PRKAR1B: variants seen among roughly 807,000 people sequenced by gnomAD.
The protein encoded by PRKAR1B is cAMP-dependent protein kinase type I-beta regulatory subunit.
In PRKAR1B, 22 loss-of-function variants were observed where a neutral mutation model predicts 46.5. That is an observed-to-expected ratio of 0.47 (90% CI 0.34 to 0.68). The LOEUF is 0.68. Ranked by LOEUF, PRKAR1B falls within the 30% of genes least tolerant of loss-of-function variation. The pLI, the probability that PRKAR1B is intolerant of heterozygous loss-of-function variation, is 0.01. For synonymous variants in PRKAR1B, 259 were observed against 217.7 expected (o/e 1.19, Z -1.67); for missense variants, 445 against 535.6 (o/e 0.83, Z 1.67).
chr7:582,219 T>C (rs1780226945), intron 8 of PRKAR1B, among the ~76,000 whole-genome samples: 1 of 152,262 alleles, frequency 6.6e-6, no homozygotes, highest in Non-Finnish European at 1.5e-5. Flanking sequence ...GCAGCTCCCA[T>C]GTGGGCCATG....
Position 679,018 on chromosome 7 carries a change from G to A in PRKAR1B, c.348+1538C>T, listed in dbSNP as rs540924292. The stretch of plus-strand genomic sequence containing the variant: ...CAGGAGAATCACAGGAACCTGGGAG[G>A]CAGAGGTTGTGGTGAGCTGAGATCA... On this transcript the variant is annotated intron_variant, in intron 3 of 10. Transcript: ENST00000537384. Among the ~76,000 whole-genome samples, 85 of 152,366 alleles carry A rather than the reference G, an allele frequency of 5.6e-4. 2 individuals carry two copies. The South Asian group carries it at 0.017, about 30-fold the overall frequency.
intron 6 of PRKAR1B, among the ~76,000 whole-genome samples, chr7:604,371 CG>C (rs2128462511): frequency 1.3e-5 from 2 of 152,328 alleles, no homozygotes; most frequent in South Asian, 4.1e-4. Context: ...CCTCTGAGGC[CG>C]GGCAGTACCC....
intron 8 of PRKAR1B, among the ~76,000 whole-genome samples, chr7:582,310 C>T (rs1460960581): frequency 6.6e-6 from 1 of 152,260 alleles, no homozygotes; most frequent in Non-Finnish European, 1.5e-5. Flanking sequence ...CATCCAGGCA[C>T]AAAAGCCGTT....
rs1583348583 is a variant in PRKAR1B at position 644,618 on chromosome 7, G to T, written c.440+32611C>A. ...CCACAACTGGAAGGAAGCAATGCAG[G>T]GCCGTTCTCAGCCTCAGCAGCTGAG... On this transcript the variant is annotated intron_variant, in intron 4 of 10. Transcript: ENST00000537384. This position sits in a 1 kb window ranked among gnomAD's most constrained non-coding sequence, Gnocchi z 4.9. Among the ~76,000 whole-genome samples the T allele has an allele frequency of 6.6e-6, 1 of 152,164 alleles. No homozygotes were observed. Among genetic ancestry groups the T allele is most frequent in the African/African-American group, 2.4e-5 (1 of 41,444 alleles).
chr7:640,286 C>T (rs1427958517), intron 4 of PRKAR1B, among the ~76,000 whole-genome samples: 2 of 152,184 alleles, frequency 1.3e-5, no homozygotes, highest in African/African-American at 2.4e-5. Context: ...AACCCTGTGT[C>T]TGGTAAAGGA....
chr7:711,442 C>T lies in PRKAR1B; in HGVS notation c.64G>A (p.Val22Met). Residue 22 changes from valine (V) to methionine (M), a missense_variant, in exon 2 of 11, where the codon GTG (valine) becomes ATG (methionine). Val to Met is a conservative substitution (Grantham distance 21). This residue lies in a region of PRKAR1B where 155 missense variants were observed against 127.5 expected (regional missense o/e 1.22). Coordinates refer to ENST00000537384, the MANE Select transcript of PRKAR1B (RefSeq NM_001164760.2). ...ACCTGCTGGATCCCGTGCAGCTGCA[C>T]GTACAGCTCACAGCCCTTCAGGCTC... ...DESLKGCELY[V>M]QLHGIQQVLK... 2 of 1,614,212 alleles carry T rather than the reference C, an allele frequency of 1.2e-6. No homozygotes were observed. The highest frequency in any genetic ancestry group is 1.7e-6 in the Non-Finnish European group (2 of 1,180,030).
chr7:711,569 C>G (rs989794559), intron 1 of PRKAR1B, 42 bp from the exon 2 acceptor site: 1 of 1,556,770 alleles, frequency 6.4e-7, no homozygotes, highest in Non-Finnish European at 8.8e-7. Flanking sequence ...GAGAGCTGCC[C>G]GGGGCTGCGC....
At chr7:601,627 C>A (rs1173022918) in intron 6 of PRKAR1B, among the ~76,000 whole-genome samples, 2 of 152,334 alleles carry the variant, frequency 1.3e-5, no homozygotes, top group East Asian at 3.9e-4. Context: ...CCCGCCCGGC[C>A]CCGCCGGGCA....
At chr7:571,255 C>T (rs912330026) in intron 9 of PRKAR1B, among the ~76,000 whole-genome samples, 8 of 152,336 alleles carry the variant, frequency 5.3e-5, no homozygotes, top group Middle Eastern at 3.4e-3. Context: ...CTGTCCGAGA[C>T]CCCAGCCAGG....
chr7:636,780 C>T (rs1784134807), intron 4 of PRKAR1B, among the ~76,000 whole-genome samples: 2 of 152,230 alleles, frequency 1.3e-5, no homozygotes, highest in Admixed American at 1.3e-4. Context: ...TCTGTCTCTG[C>T]ACCTGCACGC....
intron 4 of PRKAR1B, among the ~76,000 whole-genome samples, chr7:673,883 C>CG (rs1420544812): frequency 2.6e-5 from 4 of 152,328 alleles, no homozygotes; most frequent in African/African-American, 4.8e-5. Flanking sequence ...CCAGAGGCCC[C>CG]GGGCAGGCCC....
intron 7 of PRKAR1B, 82 bp from the exon 8 acceptor site, chr7:584,650 T>C: frequency 1.6e-6 from 2 of 1,240,464 alleles, no homozygotes; most frequent in Admixed American, 1.9e-5. Context: ...TTTCCCCAAA[T>C]GACTCTCAAC....
chr7:617,675 C>T (rs991103801), intron 4 of PRKAR1B, among the ~76,000 whole-genome samples: 1 of 152,154 alleles, frequency 6.6e-6, no homozygotes, highest in Non-Finnish European at 1.5e-5. Context: ...CAGATACTCT[C>T]CCGGCCCCAG....
At chr7:716,222 ATT>A (rs778689872) in intron 1 of PRKAR1B, among the ~76,000 whole-genome samples, 3 of 122,214 alleles carry the variant, frequency 2.5e-5, no homozygotes, top group Admixed American at 8.8e-5. Context: ...ACTTAAAAAC[ATT>A]TTTTTTTTTT....
At chr7:607,183 G>A (rs1782137120) in intron 5 of PRKAR1B, among the ~76,000 whole-genome samples, 1 of 152,118 alleles carries the variant, frequency 6.6e-6, no homozygotes, top group Non-Finnish European at 1.5e-5. Context: ...TTTATTTTTA[G>A]TAGAGACAGG....
At chr7:655,781 T>TC (rs1393678519) in intron 4 of PRKAR1B, among the ~76,000 whole-genome samples, 1 of 152,070 alleles carries the variant, frequency 6.6e-6, no homozygotes, top group Non-Finnish European at 1.5e-5. Flanking sequence ...AACTGCCACA[T>TC]ATGATTCAGA....
chr7:599,171 C>T (rs1781449144), intron 6 of PRKAR1B, among the ~76,000 whole-genome samples: 2 of 152,228 alleles, frequency 1.3e-5, no homozygotes, highest in Admixed American at 1.3e-4. Context: ...TGCTCGGCCG[C>T]CCGGAGGACA....
In PRKAR1B at chr7:680,689, T is replaced by A. The variant is rs201442077; in HGVS notation, c.215A>T (p.Asn72Ile). The A allele has an allele frequency of 1.2e-6, 2 of 1,613,836 alleles. No homozygotes were observed. The highest frequency in any genetic ancestry group is 3.3e-5 in the Admixed American group (2 of 59,986). The change falls in exon 3 of 11, where the codon AAC becomes ATC. Residue 72 changes from asparagine to isoleucine, a missense_variant. Coordinates refer to ENST00000537384, the MANE Select transcript of PRKAR1B (RefSeq NM_001164760.2). ...CTCATCATGGGAGTCCGACTGTGAG[T>A]TTGACTTTTGCCGCGCCAAAATCTG... ...NRQILARQKS[N>I]SQSDSHDEEV...
At chr7:570,704 C>T (rs924129158) in intron 9 of PRKAR1B, among the ~76,000 whole-genome samples, 4 of 152,308 alleles carry the variant, frequency 2.6e-5, no homozygotes, top group Middle Eastern at 3.4e-3. Flanking sequence ...CCATTGCGGC[C>T]GTCACACCCA....
Sources: gnomAD v4.1 joint callset for allele counts (sites outside exome capture counted in the v4.1 genomes callset) on GRCh38, gnomAD v4.1.1 for gene constraint, gnomAD v4.1.1 regional missense constraint, Gnocchi (gnomAD v3.1) non-coding constraint, MANE v1.5 for transcripts, NCBI Gene and HGNC (gene_info 2026-07-23, HGNC 2026-07-21) for gene names.